Variants in MED27 observed in about 807,000 individuals in gnomAD.
MED27 encodes the protein mediator of RNA polymerase II transcription subunit 27.
Under a neutral mutation model 38.2 loss-of-function variants are expected in MED27, and 30 were observed. The ratio of observed to expected loss-of-function variants is 0.79; its 90% CI spans 0.59 to 1.07. The LOEUF (loss-of-function observed/expected upper bound fraction) is 1.07. MED27 is among the 50% of genes least tolerant of loss of function. The pLI is 0.00. For missense variants in MED27, 289 were observed against 397.5 expected (o/e 0.73, Z 2.32); for synonymous variants, 122 against 153.5 (o/e 0.79, Z 1.52).
chr9:131,969,486 T>A (rs1428251232), intron 3 of MED27, among the ~76,000 whole-genome samples: 1 of 151,902 alleles, frequency 6.6e-6, no homozygotes, highest in African/African-American at 2.4e-5. Context: ...ATTTTTCTTT[T>A]ACTCATATTT....
chr9:131,886,878 A>T (rs144840601), intron 5 of MED27, among the ~76,000 whole-genome samples: 1 of 152,340 alleles, frequency 6.6e-6, no homozygotes, highest in Non-Finnish European at 1.5e-5. Context: ...TGACTTTTGC[A>T]TCGTTTAGTT....
Position 131,966,007 on chromosome 9 carries a change from G to A in MED27, c.480-26533C>T, listed in dbSNP as rs1490415232. Reference sequence around the variant, plus strand: ...AGAGACCCGGGAGTCTTTAGTGCTCGCAACCATGCGCATCCCAGAGAGGAC... The same window carrying A: ...AGAGACCCGGGAGTCTTTAGTGCTCACAACCATGCGCATCCCAGAGAGGAC... On this transcript the variant is annotated intron_variant, in intron 3 of 7. Transcript: ENST00000292035. Among the ~76,000 whole-genome samples, 4 of 150,378 alleles carry A rather than the reference G, an allele frequency of 2.7e-5. No individual in the cohort carries two copies. The South Asian group carries it at 6.4e-4, about 24-fold the overall frequency.
At chr9:131,940,362 C>T (rs11243569) in intron 3 of MED27, among the ~76,000 whole-genome samples, 18,373 of 152,164 alleles carry the variant, frequency 0.12, 1,259 homozygotes, top group South Asian at 0.18. Flanking sequence ...TGGCTCATGA[C>T]TACATTTATT....
At chr9:131,995,134 T>C (rs921107546) in intron 3 of MED27, among the ~76,000 whole-genome samples, 2 of 151,924 alleles carry the variant, frequency 1.3e-5, no homozygotes, top group South Asian at 2.1e-4. Context: ...AGGAAAAAGA[T>C]TGGAAAGTCA....
At chr9:132,031,312 C>T (rs745655767) in intron 2 of MED27, among the ~76,000 whole-genome samples, 17 of 152,228 alleles carry the variant, frequency 1.1e-4, no homozygotes, top group Non-Finnish European at 1.8e-4. Flanking sequence ...CAGTATCCTA[C>T]ATGTCTCCAC....
At chr9:132,019,625 C>G (rs1191148651) in intron 2 of MED27, among the ~76,000 whole-genome samples, 2 of 152,194 alleles carry the variant, frequency 1.3e-5, no homozygotes, top group Non-Finnish European at 2.9e-5. Context: ...TACCCACAAC[C>G]CCATTTCACA....
intron 3 of MED27, among the ~76,000 whole-genome samples, chr9:131,960,402 G>T (rs982672891): frequency 3.3e-5 from 5 of 152,128 alleles, no homozygotes; most frequent in Non-Finnish European, 7.4e-5. Flanking sequence ...GTGAAGTGGG[G>T]TGTGTGTGTG....
intron 3 of MED27, among the ~76,000 whole-genome samples, chr9:131,988,543 C>G (rs1453801668): frequency 6.6e-6 from 1 of 152,160 alleles, no homozygotes; most frequent in Non-Finnish European, 1.5e-5. Flanking sequence ...TTATGATTTT[C>G]TTAGTAACAT....
chr9:131,908,258 G>T (rs1376114316), intron 4 of MED27, among the ~76,000 whole-genome samples: 6 of 148,704 alleles, frequency 4.0e-5, no homozygotes, highest in African/African-American at 1.5e-4. Context: ...GAGGTGGGGG[G>T]GTCAGCCCCC....
intron 4 of MED27, among the ~76,000 whole-genome samples, chr9:131,914,476 G>A (rs1830250365): frequency 6.6e-6 from 1 of 152,188 alleles, no homozygotes; most frequent in South Asian, 2.1e-4. Context: ...TGGTTATTGG[G>A]CATTCAGCAC....
At chr9:132,058,777 A>G (rs1833636577) in intron 2 of MED27, among the ~76,000 whole-genome samples, 1 of 152,222 alleles carries the variant, frequency 6.6e-6, no homozygotes, top group Non-Finnish European at 1.5e-5. Context: ...AACTGTATCA[A>G]AAGCTAAGGG....
chr9:131,896,356 T>C (rs961587276), intron 4 of MED27, among the ~76,000 whole-genome samples: 2 of 152,242 alleles, frequency 1.3e-5, no homozygotes, highest in African/African-American at 2.4e-5. Flanking sequence ...CCTAGGTGAC[T>C]AAGCAATTGT....
chr9:131,905,262 G>A (rs1452918087), intron 4 of MED27, among the ~76,000 whole-genome samples: 1 of 152,230 alleles, frequency 6.6e-6, no homozygotes, highest in Non-Finnish European at 1.5e-5. Context: ...AAAATGGGAA[G>A]CTACTGTTTT....
At chr9:131,880,532 G>C (rs572250734) in intron 6 of MED27, among the ~76,000 whole-genome samples, 1 of 152,166 alleles carries the variant, frequency 6.6e-6, no homozygotes, top group Non-Finnish European at 1.5e-5. Context: ...CGATGATAAA[G>C]GAATCTCAGA....
chr9:132,026,688 C>T (rs1832826531), intron 2 of MED27, among the ~76,000 whole-genome samples: 1 of 152,132 alleles, frequency 6.6e-6, no homozygotes, highest in Admixed American at 6.5e-5. Flanking sequence ...TCAAGATCTG[C>T]CTAGAATGTA....
chr9:131,893,739 A>G (rs757484518), intron 5 of MED27, 146 bp downstream of exon 5: 4 of 598,234 alleles, frequency 6.7e-6, no homozygotes, highest in Non-Finnish European at 9.0e-6. Flanking sequence ...TTTTTCACAA[A>G]GTGTGCATCC....
At chr9:132,017,869 G>C (rs980742591) in intron 2 of MED27, among the ~76,000 whole-genome samples, 1 of 152,058 alleles carries the variant, frequency 6.6e-6, no homozygotes, top group African/African-American at 2.4e-5. Flanking sequence ...AATTAATAAT[G>C]GTCTGAGGAA....
intron 3 of MED27, among the ~76,000 whole-genome samples, chr9:131,990,369 C>G (rs188235052): frequency 1.3e-5 from 2 of 152,360 alleles, no homozygotes; most frequent in East Asian, 3.9e-4. Context: ...TGAATTGTCT[C>G]TCTCTGACCA....
rs1403768189 is a variant in MED27 at position 131,861,589 on chromosome 9, C to A, written c.802-917G>T. ...GGTGTTTGGGGGTTTTGGCAATAAA[C>A]ACGAGGTCAAGAGGTCCTTCAGTTA... On this transcript the variant is annotated intron_variant, in intron 7 of 7. Coordinates refer to ENST00000292035, the MANE Select transcript of MED27 (RefSeq NM_004269.4). The surrounding 1 kb of genome is among the most constrained non-coding windows in gnomAD (Gnocchi z 4.4). 6.6e-6 allele frequency among the ~76,000 whole-genome samples: 1 copy of A among 152,146 alleles called. No individual in the cohort carries two copies. Among genetic ancestry groups the A allele is most frequent in the Non-Finnish European group, 1.5e-5 (1 of 68,028 alleles).
Sources: allele counts gnomAD v4.1 joint callset (sites outside exome capture counted in the v4.1 genomes callset), GRCh38; gene constraint gnomAD v4.1.1; non-coding constraint Gnocchi (gnomAD v3.1); transcripts MANE v1.5; gene names NCBI Gene and HGNC (gene_info 2026-07-23, HGNC 2026-07-21).